PPP4R2: variants seen among roughly 807,000 people sequenced by gnomAD.
PPP4R2 encodes the protein protein phosphatase 4 regulatory subunit 2.
PPP4R2 carries 13 observed loss-of-function variants against 47.2 expected under a neutral mutation model. That is an observed-to-expected ratio of 0.28 (90% CI 0.18 to 0.44). The LOEUF is 0.44. PPP4R2 is among the 20% of genes least tolerant of loss of function. PPP4R2 has a pLI of 1.00. For missense variants in PPP4R2, 421 were observed against 491.2 expected (o/e 0.86, Z 1.35); for synonymous variants, 151 against 163.3 (o/e 0.92, Z 0.57).
chr3:73,007,235 CGTT>C (rs1701627376), intron 2 of PPP4R2, among the ~76,000 whole-genome samples: 1 of 152,220 alleles, frequency 6.6e-6, no homozygotes, highest in East Asian at 1.9e-4. Flanking sequence ...TAATAATACT[CGTT>C]GTTATGTTGT....
chr3:73,016,813 CTTTTTT>C (rs1207946652), intron 2 of PPP4R2, among the ~76,000 whole-genome samples: 92 of 72,844 alleles, frequency 1.3e-3, no homozygotes, highest in African/African-American at 1.8e-3. Flanking sequence ...TTCATTGTTT[CTTTTTT>C]TTTTTTTTTT....
At chr3:73,046,403 A>G (rs1483747738) in intron 2 of PPP4R2, among the ~76,000 whole-genome samples, 1 of 152,172 alleles carries the variant, frequency 6.6e-6, no homozygotes, top group Non-Finnish European at 1.5e-5. Context: ...TAATGGTAGT[A>G]CTGTCTGCCT....
intron 2 of PPP4R2, among the ~76,000 whole-genome samples, chr3:73,039,292 T>C (rs1462529007): frequency 6.6e-6 from 1 of 152,126 alleles, no homozygotes; most frequent in Non-Finnish European, 1.5e-5. Flanking sequence ...CCAGCTCATT[T>C]TTGTATTTTT....
chr3:73,046,957 T>G (rs1269256621), intron 2 of PPP4R2, among the ~76,000 whole-genome samples: 2 of 152,200 alleles, frequency 1.3e-5, no homozygotes, highest in Non-Finnish European at 2.9e-5. Context: ...TTAAAAGATC[T>G]AAATGAGAGA....
At chr3:73,048,975 C>T (rs967509662) in intron 3 of PPP4R2, among the ~76,000 whole-genome samples, 1 of 151,988 alleles carries the variant, frequency 6.6e-6, no homozygotes, top group African/African-American at 2.4e-5. Context: ...TTATAGTTAC[C>T]CCTGGGGGCC....
intron 2 of PPP4R2, among the ~76,000 whole-genome samples, chr3:73,044,476 C>T (rs1559561530): frequency 6.6e-6 from 1 of 152,078 alleles, no homozygotes; most frequent in Non-Finnish European, 1.5e-5. Context: ...ATCCTAGCTA[C>T]TTGGGAGGCT....
Position 73,044,939 on chromosome 3 carries a change from A to C in PPP4R2, c.117-2247A>C, listed in dbSNP as rs190627563. 5.5e-4 allele frequency among the ~76,000 whole-genome samples: 84 copies of C among 152,290 alleles called. 1 individual carries two copies. Among genetic ancestry groups the C allele is most frequent in the Non-Finnish European group, 7.5e-4 (51 of 68,032 alleles). On this transcript the variant is annotated intron_variant, in intron 2 of 8. Coordinates refer to ENST00000356692, the MANE Select transcript of PPP4R2 (RefSeq NM_174907.4). ...GTTGATAGTGTCCTTTGATGCACAAAATTTTAAATTTTGATGTAATTCAAT... is the reference window on the plus strand; with the variant it reads ...GTTGATAGTGTCCTTTGATGCACAACATTTTAAATTTTGATGTAATTCAAT...
At chr3:73,015,074 A>T in intron 2 of PPP4R2, 1 of 468,634 alleles carries the variant, frequency 2.1e-6, no homozygotes. Flanking sequence ...GCCATTTAGG[A>T]TATAGGAAGA....
chr3:73,001,863 G>A (rs865957135), intron 2 of PPP4R2, among the ~76,000 whole-genome samples: 3 of 152,154 alleles, frequency 2.0e-5, no homozygotes, highest in Admixed American at 6.5e-5. Context: ...TCTTGACCTC[G>A]TGATCCACCT....
intron 3 of PPP4R2, among the ~76,000 whole-genome samples, chr3:73,048,324 C>T (rs1702531868): frequency 6.6e-6 from 1 of 152,194 alleles, no homozygotes; most frequent in Non-Finnish European, 1.5e-5. Flanking sequence ...ATGATCTCGG[C>T]TCACCGCAAC....
intron 2 of PPP4R2, among the ~76,000 whole-genome samples, chr3:73,040,220 T>C (rs951216814): frequency 6.6e-6 from 1 of 152,304 alleles, no homozygotes; most frequent in Admixed American, 6.5e-5. Context: ...GTTTCTCTAC[T>C]AGCATATTGA....
Position 73,021,678 on chromosome 3 carries a change from C to T in PPP4R2, c.116+23520C>T, listed in dbSNP as rs7653399. Among the ~76,000 whole-genome samples the T allele has an allele frequency of 5.1e-3, 780 of 152,106 alleles. 7 individuals are homozygous for T. The highest frequency in any genetic ancestry group is 0.018 in the African/African-American group (751 of 41,470). On this transcript the variant is annotated intron_variant, in intron 2 of 8. Transcript: ENST00000356692. ...AATTCCTGATTTTACATTGTTTGCT[C>T]ACATTCCTTCTCATGTTTATTAAGG...
At chr3:73,001,753 C>G (rs1176787390) in intron 2 of PPP4R2, among the ~76,000 whole-genome samples, 1 of 152,128 alleles carries the variant, frequency 6.6e-6, no homozygotes, top group Non-Finnish European at 1.5e-5. Context: ...ATTCTCCTGC[C>G]TCAGCCTCCT....
intron 3 of PPP4R2, among the ~76,000 whole-genome samples, chr3:73,054,870 G>C (rs1158853612): frequency 6.6e-6 from 1 of 152,090 alleles, no homozygotes; most frequent in Non-Finnish European, 1.5e-5. Context: ...TTTCTTTAGT[G>C]TTTAGCCTTA....
intron 2 of PPP4R2, among the ~76,000 whole-genome samples, chr3:73,003,023 T>A (rs1380755277): frequency 1.3e-5 from 2 of 152,138 alleles, no homozygotes; most frequent in Admixed American, 6.6e-5. Context: ...TCAGGATGTC[T>A]TGTAATTACT....
In PPP4R2 at chr3:73,062,025, G is replaced by A. The variant is rs147476559; in HGVS notation, c.419+965G>A. The A allele has an allele frequency of 2.9e-4, 368 of 1,254,418 alleles. 4 individuals carry two copies. The East Asian group carries it at 9.0e-3, about 31-fold the overall frequency. 77.7% of individuals were successfully genotyped at this position (1,254,418 alleles called of 1,614,324 possible). ...AATATGTTTTGTTTTGCTCATGAAC[G>A]TGAGGTATTTTGGAAAAATGGTAAA... is the stretch of plus-strand genomic sequence containing the variant. On this transcript the variant is annotated intron_variant, in intron 5 of 8. Coordinates refer to ENST00000356692, the MANE Select transcript of PPP4R2 (RefSeq NM_174907.4).
intron 2 of PPP4R2, among the ~76,000 whole-genome samples, chr3:73,010,953 G>A (rs193015977): frequency 1.3e-5 from 2 of 152,264 alleles, no homozygotes; most frequent in East Asian, 3.9e-4. Context: ...ATCTGAAGTA[G>A]GTCTTTCTCT....
intron 3 of PPP4R2, among the ~76,000 whole-genome samples, chr3:73,057,282 T>C (rs1427090815): frequency 1.3e-5 from 2 of 152,160 alleles, no homozygotes; most frequent in Non-Finnish European, 2.9e-5. Flanking sequence ...TGGTTGTCTT[T>C]ATAGGAATGA....
At chr3:73,013,495 A>AGAAC (rs1701765487) in intron 2 of PPP4R2, among the ~76,000 whole-genome samples, 1 of 151,984 alleles carries the variant, frequency 6.6e-6, no homozygotes, top group African/African-American at 2.4e-5. Flanking sequence ...GTAAGAAAAA[A>AGAAC]AATCAAACTA....
Sources: allele counts gnomAD v4.1 joint callset (sites outside exome capture counted in the v4.1 genomes callset), GRCh38; gene constraint gnomAD v4.1.1; transcripts MANE v1.5; gene names NCBI Gene and HGNC (gene_info 2026-07-23, HGNC 2026-07-21).